DLC1: variants seen among roughly 807,000 people sequenced by gnomAD.
DLC1 encodes rho GTPase-activating protein 7.
Under a neutral mutation model 140.3 loss-of-function variants are expected in DLC1, and 54 were observed. The ratio of observed to expected loss-of-function variants is 0.38; its 90% confidence interval spans 0.31 to 0.48. The LOEUF (loss-of-function observed/expected upper bound fraction) is 0.48. DLC1 is among the 20% of genes least tolerant of loss of function. DLC1 has a pLI of 0.96. For synonymous variants in DLC1, 986 were observed against 728.1 expected (o/e 1.35, Z -5.70); for missense variants, 2,536 against 1,907.0 (o/e 1.33, Z -6.14).
intron 5 of DLC1, chr8:13,276,160 T>A: frequency 6.9e-7 from 1 of 1,443,096 alleles, no homozygotes; most frequent in Non-Finnish European, 9.2e-7. Context: ...AACCAGCTGA[T>A]GAGATCATTC....
At chr8:13,298,586 C>G (rs987136815) in intron 5 of DLC1, among the ~76,000 whole-genome samples, 1 of 152,116 alleles carries the variant, frequency 6.6e-6, no homozygotes, top group African/African-American at 2.4e-5. Context: ...AGAAGACACA[C>G]AGCTAAGCAA....
intron 5 of DLC1, among the ~76,000 whole-genome samples, chr8:13,224,022 G>A (rs1563178788): frequency 2.0e-5 from 3 of 152,080 alleles, no homozygotes; most frequent in Admixed American, 6.6e-5. Context: ...TGTCAAGATC[G>A]CATTATGTAA....
rs183347809 is a variant in DLC1 at position 13,154,716 on chromosome 8, G to A, written c.1349-39059C>T. ...GGACGCTGAGGCCTGAGGAGGCGCC[G>A]AGAGCGAGCGAGGGCTGCTAGCATG... is the stretch of plus-strand genomic sequence containing the variant. On this transcript the variant is annotated intron_variant, in intron 5 of 17. Transcript: ENST00000276297. 1.4e-4 allele frequency among the ~76,000 whole-genome samples: 21 copies of A among 152,312 alleles called. No homozygotes were observed. In the South Asian group the frequency reaches 2.7e-3, roughly 20 times the overall value.
intron 6 of DLC1, among the ~76,000 whole-genome samples, chr8:13,114,297 G>C (rs996700895): frequency 1.3e-5 from 2 of 152,212 alleles, no homozygotes; most frequent in African/African-American, 4.8e-5. Context: ...GGGAGGCAGA[G>C]GTTGCAGTGA....
chr8:13,557,913 C>T (rs888962896), intron 1 of DLC1: 1 of 152,092 alleles, frequency 6.6e-6, no homozygotes, highest in African/African-American at 2.4e-5. Context: ...ACACACAAAC[C>T]AGATGATCTT....
chr8:13,086,478 C>T lies in DLC1; in HGVS notation c.4293-15G>A. On this transcript the variant is annotated splice_polypyrimidine_tract_variant and intron_variant, in intron 16 of 17. Transcript: ENST00000276297. The stretch of plus-strand genomic sequence containing the variant: ...TCCTCCAGGTTCTGTAGAGACAAAA[C>T]CAGAGGCAGAAATGATGGAATTTCA... The T allele has an allele frequency of 3.7e-6, 6 of 1,604,306 alleles. No individual in the cohort carries two copies. Among genetic ancestry groups the T allele is most frequent in the Non-Finnish European group, 4.3e-6 (5 of 1,175,456 alleles).
chr8:13,366,804 A>G (rs1835502800), intron 4 of DLC1, among the ~76,000 whole-genome samples: 1 of 152,080 alleles, frequency 6.6e-6, no homozygotes, highest in South Asian at 2.1e-4. Flanking sequence ...TCTGGGTCGA[A>G]GGCCACCCAG....
chr8:13,426,859 A>G (rs1025963453), intron 2 of DLC1, among the ~76,000 whole-genome samples: 2 of 152,198 alleles, frequency 1.3e-5, no homozygotes, highest in Non-Finnish European at 2.9e-5. Context: ...TTTTGCTGCA[A>G]TCATTAGAGC....
At chr8:13,201,921 GT>G (rs35475930) in intron 5 of DLC1, among the ~76,000 whole-genome samples, 186 of 101,780 alleles carry the variant, frequency 1.8e-3, no homozygotes, top group Middle Eastern at 6.8e-3. Flanking sequence ...TACCCAAAAG[GT>G]TTTTTTTTTT....
At chr8:13,597,882 T>C (rs1273556617) in intron 1 of DLC1, among the ~76,000 whole-genome samples, 1 of 152,098 alleles carries the variant, frequency 6.6e-6, no homozygotes, top group Non-Finnish European at 1.5e-5. Context: ...TGCAATTGTA[T>C]TATATATACA....
intron 1 of DLC1, among the ~76,000 whole-genome samples, chr8:13,559,749 A>G (rs908051144): frequency 2.6e-5 from 4 of 152,218 alleles, no homozygotes; most frequent in African/African-American, 9.6e-5. Flanking sequence ...GGAAAACACA[A>G]AAGTATGTAA....
At chr8:13,505,605 T>C (rs1046386251) in intron 1 of DLC1, among the ~76,000 whole-genome samples, 1 of 152,204 alleles carries the variant, frequency 6.6e-6, no homozygotes, top group East Asian at 1.9e-4. Context: ...ACCATTCTTT[T>C]TGCCCCATTC....
At chr8:13,521,429 T>G (rs564534212) in intron 1 of DLC1, among the ~76,000 whole-genome samples, 13 of 152,162 alleles carry the variant, frequency 8.5e-5, no homozygotes, top group African/African-American at 2.9e-4. Context: ...AAAGTTCCCT[T>G]GCCATGGTTG....
At chr8:13,300,854 A>C (rs113334892) in intron 5 of DLC1, among the ~76,000 whole-genome samples, 42 of 152,372 alleles carry the variant, frequency 2.8e-4, no homozygotes, top group African/African-American at 1.0e-3. Context: ...CTCTGGTGAC[A>C]GTGCAGATAA....
intron 5 of DLC1, among the ~76,000 whole-genome samples, chr8:13,138,188 A>G (rs1467050049): frequency 6.6e-6 from 1 of 152,180 alleles, no homozygotes; most frequent in Non-Finnish European, 1.5e-5. Flanking sequence ...ATAGTGAGTA[A>G]AGTTGACCCT....
At chr8:13,434,344 T>A (rs1340874215) in intron 2 of DLC1, among the ~76,000 whole-genome samples, 1 of 152,246 alleles carries the variant, frequency 6.6e-6, no homozygotes, top group Non-Finnish European at 1.5e-5. Context: ...GTCACTGCTC[T>A]AGATTTTAAA....
At chr8:13,319,774 A>G (rs993022362) in intron 4 of DLC1, among the ~76,000 whole-genome samples, 3 of 145,054 alleles carry the variant, frequency 2.1e-5, no homozygotes, top group Non-Finnish European at 3.0e-5. Flanking sequence ...TAATACACCA[A>G]CTTTTTTCAG....
intron 2 of DLC1, among the ~76,000 whole-genome samples, chr8:13,496,819 G>T (rs10096178): frequency 0.33 from 3,844 of 11,654 alleles, 917 homozygotes; most frequent in Non-Finnish European, 0.39. Flanking sequence ...TTTTTTTTTT[G>T]AGATGGAGTT....
chr8:13,601,765 A>G (rs762154151), intron 1 of DLC1, among the ~76,000 whole-genome samples: 7 of 151,774 alleles, frequency 4.6e-5, no homozygotes, highest in Non-Finnish European at 1.5e-5. Context: ...TTTACTATAT[A>G]TAATTTCAAA....
Sources: gnomAD v4.1 joint callset for allele counts (sites outside exome capture counted in the v4.1 genomes callset) on GRCh38, gnomAD v4.1.1 for gene constraint, MANE v1.5 for transcripts, NCBI Gene and HGNC (gene_info 2026-07-23, HGNC 2026-07-21) for gene names.